ABLIM1: variants seen among roughly 807,000 people sequenced by gnomAD.
The protein encoded by ABLIM1 is actin-binding LIM protein 1.
A neutral mutation model predicts 107.0 loss-of-function variants in ABLIM1; 40 were observed. The ratio of observed to expected loss-of-function variants is 0.37; its 90% CI spans 0.29 to 0.49. ABLIM1 has a LOEUF of 0.49. Ranked by LOEUF, ABLIM1 falls within the 20% of genes least tolerant of loss-of-function variation. ABLIM1 has a pLI of 0.97. For missense variants in ABLIM1, 857 were observed against 1,008.5 expected, an observed-to-expected ratio of 0.85 and a Z score of 2.04; for synonymous variants, 357 against 357.3, an observed-to-expected ratio of 1.00 and a Z score of 0.01.
chr10:114,633,422 A>C (rs1417426861), intron 1 of ABLIM1, among the ~76,000 whole-genome samples: 1 of 152,132 alleles, frequency 6.6e-6, no homozygotes, highest in African/African-American at 2.4e-5. Context: ...ACATTCCTAC[A>C]TCTGTGACTC....
chr10:114,733,712 G>C (rs922729225), intron 1 of ABLIM1, among the ~76,000 whole-genome samples: 1 of 152,074 alleles, frequency 6.6e-6, no homozygotes, highest in Non-Finnish European at 1.5e-5. Context: ...TCGCAGACCA[G>C]GTACATCTGC....
chr10:114,494,933 G>A (rs1203175448), intron 6 of ABLIM1, among the ~76,000 whole-genome samples: 1 of 152,130 alleles, frequency 6.6e-6, no homozygotes, highest in East Asian at 1.9e-4. Flanking sequence ...ATATTGCCTG[G>A]CACCATGTTA....
intron 6 of ABLIM1, among the ~76,000 whole-genome samples, chr10:114,523,595 A>G (rs1285747321): frequency 1.3e-5 from 2 of 152,062 alleles, no homozygotes; most frequent in Non-Finnish European, 2.9e-5. Flanking sequence ...TGAAGGCCCA[A>G]ATTCTACAAC....
intron 1 of ABLIM1, among the ~76,000 whole-genome samples, chr10:114,627,893 CGGGT>C (rs1427161198): frequency 6.6e-6 from 1 of 152,096 alleles, no homozygotes; most frequent in Non-Finnish European, 1.5e-5. Context: ...GAGGCCGAGG[CGGGT>C]GGATCACCTG....
chr10:114,750,782 T>C (rs966036600), intron 1 of ABLIM1, among the ~76,000 whole-genome samples: 1 of 152,328 alleles, frequency 6.6e-6, no homozygotes, highest in South Asian at 2.1e-4. Context: ...ACATCTCACA[T>C]CAAAATATTC....
intron 1 of ABLIM1, among the ~76,000 whole-genome samples, chr10:114,756,078 TTGTGAG>T (rs1431783853): frequency 1.1e-5 from 1 of 88,842 alleles, no homozygotes; most frequent in Non-Finnish European, 2.5e-5. Context: ...GTGAGTGTGT[TTGTGAG>T]TGTGTGTGTG....
the ABLIM1 span, among the ~76,000 whole-genome samples, chr10:114,800,839 T>C: frequency 2.0e-5 from 3 of 151,768 alleles, no homozygotes; most frequent in Admixed American, 6.6e-5. Flanking sequence ...AACCAGAAAG[T>C]GGAGGTTGTA....
chr10:114,674,176 G>A (rs2080379484), intron 1 of ABLIM1, among the ~76,000 whole-genome samples: 1 of 151,668 alleles, frequency 6.6e-6, no homozygotes, highest in Non-Finnish European at 1.5e-5. Context: ...TGTAGTCCCA[G>A]CTACTCAGGA....
rs556568265 is a variant in ABLIM1 at position 114,699,214 on chromosome 10, A to G, written c.-213+68847T>C. Among the ~76,000 whole-genome samples the G allele has an allele frequency of 1.0e-4, 10 of 97,470 alleles. No individual in the cohort carries two copies. In the South Asian group the frequency reaches 1.5e-3, roughly 14 times the overall value. 63.9% of individuals were successfully genotyped at this position (97,470 alleles called of 152,430 possible). ...AACTAAAGAGTCATAAAATTTTGAG[A>G]AAAAAAAAGGAGGTTGTTGGAAAAG... is the stretch of plus-strand genomic sequence containing the variant. On this transcript the variant is annotated intron_variant, in intron 1 of 15. Transcript: ENST00000651092.
chr10:114,780,145 C>G, the ABLIM1 span, among the ~76,000 whole-genome samples: 1 of 152,176 alleles, frequency 6.6e-6, no homozygotes, highest in Non-Finnish European at 1.5e-5. Context: ...AAGGCCTTCT[C>G]TCTTCTCCAC....
intron 1 of ABLIM1, among the ~76,000 whole-genome samples, chr10:114,649,034 C>G (rs73362055): frequency 1.3e-5 from 2 of 152,060 alleles, no homozygotes; most frequent in African/African-American, 4.8e-5. Context: ...CTAACACTAC[C>G]CTCTGATTAT....
At chr10:114,571,462 C>G (rs1283154417) in intron 3 of ABLIM1, 56 bp from the exon 4 acceptor site, 1 of 1,530,652 alleles carries the variant, frequency 6.5e-7, no homozygotes, top group Non-Finnish European at 9.0e-7. Context: ...ATTCCTTTTC[C>G]TTATTCCTTC....
At chr10:114,438,129 C>T (rs1283219345) in intron 21 of ABLIM1, among the ~76,000 whole-genome samples, 1 of 152,182 alleles carries the variant, frequency 6.6e-6, no homozygotes, top group Admixed American at 6.5e-5. Flanking sequence ...TCTCAACTTT[C>T]CACCAGTGTC....
At chr10:114,734,719 C>T (rs1051658243) in intron 1 of ABLIM1, among the ~76,000 whole-genome samples, 14 of 152,192 alleles carry the variant, frequency 9.2e-5, no homozygotes, top group African/African-American at 2.9e-4. Flanking sequence ...GATAATTTTA[C>T]ATGGATTATT....
the ABLIM1 span, among the ~76,000 whole-genome samples, chr10:114,789,696 T>C: frequency 2.6e-5 from 4 of 152,240 alleles, no homozygotes; most frequent in Non-Finnish European, 5.9e-5. Context: ...CATTTTTTCA[T>C]ATGCTTGTTG....
intron 1 of ABLIM1, among the ~76,000 whole-genome samples, chr10:114,766,130 C>A (rs1286158470): frequency 6.6e-6 from 1 of 152,198 alleles, no homozygotes; most frequent in African/African-American, 2.4e-5. Context: ...TATAATCTCT[C>A]AAAACCTCAA....
chr10:114,665,538 T>A (rs1446316451), intron 1 of ABLIM1, among the ~76,000 whole-genome samples: 1 of 152,202 alleles, frequency 6.6e-6, no homozygotes, highest in Non-Finnish European at 1.5e-5. Context: ...TCCTTCCACA[T>A]ATAAACAACT....
At chr10:114,579,927 G>C (rs1177943046) in intron 2 of ABLIM1, among the ~76,000 whole-genome samples, 2 of 152,038 alleles carry the variant, frequency 1.3e-5, no homozygotes, top group Non-Finnish European at 2.9e-5. Context: ...GTCATACTGG[G>C]GCATTGTTTC....
At chr10:114,673,539 C>A (rs1027011849) in intron 1 of ABLIM1, among the ~76,000 whole-genome samples, 2 of 152,208 alleles carry the variant, frequency 1.3e-5, no homozygotes, top group East Asian at 1.9e-4. Flanking sequence ...CAGACACACT[C>A]TTCCCTCTGC....
Sources: gnomAD v4.1 joint callset for allele counts (sites outside exome capture counted in the v4.1 genomes callset) on GRCh38, gnomAD v4.1.1 for gene constraint, MANE v1.5 for transcripts, NCBI Gene and HGNC (gene_info 2026-07-23, HGNC 2026-07-21) for gene names.